The following ADCY2 variants were observed in gnomAD, a reference collection of about 807,000 sequenced individuals.
ADCY2 encodes the protein adenylate cyclase 2, also known as adenylate cyclase type 2.
A neutral mutation model predicts 125.2 loss-of-function variants in ADCY2; 31 were observed. The observed-to-expected ratio is 0.25, with a 90% CI of 0.19 to 0.33. The LOEUF (loss-of-function observed/expected upper bound fraction) is 0.33, where lower values mean the gene tolerates loss of function less well. ADCY2 is among the 10% of genes least tolerant of loss of function. The pLI is 1.00. For missense variants in ADCY2, 904 were observed against 1,418.2 expected (o/e 0.64, Z 5.82); for synonymous variants, 512 against 548.4 (o/e 0.93, Z 0.93).
At chr5:7,694,970 A>G (rs1433694534) in intron 5 of ADCY2, among the ~76,000 whole-genome samples, 2 of 152,206 alleles carry the variant, frequency 1.3e-5, no homozygotes, top group African/African-American at 4.8e-5. Flanking sequence ...AATGACTGTG[A>G]AATAGTAGTT....
At chr5:7,658,399 T>TTGTGTGTGTG (rs369870574) in intron 4 of ADCY2, among the ~76,000 whole-genome samples, 10,941 of 129,996 alleles carry the variant, frequency 0.084, 604 homozygotes, top group Non-Finnish European at 0.13. Flanking sequence ...GTGAAGAGAA[T>TTGTGTGTGTG]TGTGTGTGTG....
At chr5:7,690,336 T>C in intron 4 of ADCY2, among the ~76,000 whole-genome samples, 1 of 152,194 alleles carries the variant, frequency 6.6e-6, no homozygotes, top group Non-Finnish European at 1.5e-5. Context: ...AAAATGAGTG[T>C]TCTCTATCTT....
chr5:7,546,953 A>G (rs956761084), intron 3 of ADCY2, among the ~76,000 whole-genome samples: 2 of 152,180 alleles, frequency 1.3e-5, no homozygotes, highest in Non-Finnish European at 1.5e-5. Flanking sequence ...GGCATTCACC[A>G]TAAACAACTT....
chr5:7,564,855 A>G (rs1735838979), intron 3 of ADCY2, among the ~76,000 whole-genome samples: 1 of 152,220 alleles, frequency 6.6e-6, no homozygotes, highest in African/African-American at 2.4e-5. Flanking sequence ...ATTCACAAAA[A>G]TAACAGCCTA....
At position 7,500,822 on chromosome 5, in the gene ADCY2, A is replaced by G. The variant is rs148587344; in HGVS notation, c.409-19916A>G. Among the ~76,000 whole-genome samples the G allele has an allele frequency of 1.6e-4, 24 of 152,306 alleles. No homozygotes were observed. In the East Asian group the frequency reaches 3.1e-3, roughly 20 times the overall value. On this transcript the variant is annotated intron_variant, in intron 2 of 24. Coordinates refer to ENST00000338316, the MANE Select transcript of ADCY2 (RefSeq NM_020546.3). ...TGGAAAAACATGGCACCCTGGGGAA[A>G]GGTCACTCCACACACCTAGCTCCTG...
intron 4 of ADCY2, among the ~76,000 whole-genome samples, chr5:7,669,441 G>A (rs1311031476): frequency 6.6e-6 from 1 of 152,082 alleles, no homozygotes; most frequent in Admixed American, 6.6e-5. Flanking sequence ...GGGTGCATTG[G>A]GATCACATTG....
At chr5:7,409,668 A>G (rs1358549310) in intron 1 of ADCY2, among the ~76,000 whole-genome samples, 4 of 152,224 alleles carry the variant, frequency 2.6e-5, no homozygotes, top group East Asian at 1.9e-4. Flanking sequence ...GTATTTTTCA[A>G]TTAGGCCAAG....
At chr5:7,549,749 T>C (rs1223101082) in intron 3 of ADCY2, among the ~76,000 whole-genome samples, 1 of 152,180 alleles carries the variant, frequency 6.6e-6, no homozygotes, top group Non-Finnish European at 1.5e-5. Context: ...ATTCTCATTG[T>C]GCAGGAACAT....
intron 4 of ADCY2, among the ~76,000 whole-genome samples, chr5:7,677,976 A>C (rs1279177701): frequency 6.6e-6 from 1 of 152,220 alleles, no homozygotes; most frequent in Non-Finnish European, 1.5e-5. Flanking sequence ...ATACATGTCA[A>C]TTTAGTACTC....
At chr5:7,813,973 AACTG>A (rs1274554371) in intron 22 of ADCY2, among the ~76,000 whole-genome samples, 1 of 152,186 alleles carries the variant, frequency 6.6e-6, no homozygotes, top group East Asian at 1.9e-4. Context: ...GATGTTTTCC[AACTG>A]ACTGCACAAG....
chr5:7,626,616 A>G lies in ADCY2; in HGVS notation c.720+300A>G, dbSNP rs143827487. On this transcript the variant is annotated intron_variant, in intron 4 of 24. Transcript: ENST00000338316. ...CTTTAACTGCCTCCACTCATGGATA[A>G]TGGGTAATGTGCAGGGATCACTTAG... 1.5e-3 allele frequency among the ~76,000 whole-genome samples: 224 copies of G among 152,278 alleles called. 6 individuals carry two copies. The highest frequency in any genetic ancestry group is 0.011 in the Admixed American group (172 of 15,298).
chr5:7,826,208 C>G (rs7703102), intron 24 of ADCY2, among the ~76,000 whole-genome samples: 82,230 of 152,006 alleles, frequency 0.54, 22,589 homozygotes, highest in Middle Eastern at 0.63. Flanking sequence ...GCTCAGTGCT[C>G]CTTCTCGGGG....
chr5:7,774,927 A>G (rs1743673270), intron 18 of ADCY2, among the ~76,000 whole-genome samples: 1 of 152,190 alleles, frequency 6.6e-6, no homozygotes. Flanking sequence ...TGCAATGTGA[A>G]ATAATTGCAT....
intron 2 of ADCY2, among the ~76,000 whole-genome samples, chr5:7,443,986 C>A (rs1741122528): frequency 6.6e-6 from 1 of 152,054 alleles, no homozygotes; most frequent in South Asian, 2.1e-4. Context: ...AAACTTGTAA[C>A]TATATGGCTA....
chr5:7,517,053 T>C (rs139832655), intron 2 of ADCY2, among the ~76,000 whole-genome samples: 3 of 152,222 alleles, frequency 2.0e-5, no homozygotes, highest in Non-Finnish European at 2.9e-5. Context: ...TTTAAGAACA[T>C]AAAGAAGCTC....
intron 16 of ADCY2, among the ~76,000 whole-genome samples, chr5:7,765,455 A>G (rs1452846354): frequency 2.0e-5 from 3 of 152,198 alleles, no homozygotes; most frequent in Non-Finnish European, 4.4e-5. Flanking sequence ...TTCATCATAC[A>G]TAAAGAAATC....
chr5:7,539,768 A>G (rs991741642), intron 3 of ADCY2, among the ~76,000 whole-genome samples: 1 of 152,246 alleles, frequency 6.6e-6, no homozygotes, highest in African/African-American at 2.4e-5. Flanking sequence ...AGCTAAGGAC[A>G]GCACGTCAGC....
intron 2 of ADCY2, among the ~76,000 whole-genome samples, chr5:7,484,363 A>G (rs917345551): frequency 3.3e-5 from 5 of 152,210 alleles, no homozygotes; most frequent in African/African-American, 1.2e-4. Flanking sequence ...AATGCATTTT[A>G]TAACAAATGT....
intron 2 of ADCY2, among the ~76,000 whole-genome samples, chr5:7,506,611 C>T (rs539667531): frequency 2.0e-4 from 30 of 152,032 alleles, no homozygotes; most frequent in African/African-American, 6.8e-4. Flanking sequence ...TTCCTAAGTC[C>T]GAGTGTATTG....
Sources: gnomAD v4.1 joint callset for allele counts (sites outside exome capture counted in the v4.1 genomes callset) on GRCh38, gnomAD v4.1.1 for gene constraint, MANE v1.5 for transcripts, NCBI Gene and HGNC (gene_info 2026-07-23, HGNC 2026-07-21) for gene names.